Variants in PLXNC1 observed in about 807,000 individuals in gnomAD.
PLXNC1 encodes plexin C1.
In PLXNC1, 75 loss-of-function variants were observed where a neutral mutation model predicts 178.2. The ratio of observed to expected loss-of-function variants is 0.42; its 90% CI spans 0.35 to 0.51. PLXNC1 has a LOEUF of 0.51. Ranked by LOEUF, PLXNC1 falls within the 20% of genes least tolerant of loss-of-function variation. PLXNC1 has a pLI of 0.02. For missense variants in PLXNC1, 1,503 were observed against 1,984.4 expected, an observed-to-expected ratio of 0.76 and a Z score of 4.61; for synonymous variants, 790 against 779.9, an observed-to-expected ratio of 1.01 and a Z score of -0.22.
intron 9 of PLXNC1, among the ~76,000 whole-genome samples, chr12:94,236,233 A>G (rs1272677485): frequency 1.3e-5 from 2 of 152,238 alleles, no homozygotes; most frequent in African/African-American, 4.8e-5. Flanking sequence ...ATGTTACATC[A>G]TTGCTGTGAT....
intron 5 of PLXNC1, 29 bp from the exon 6 acceptor site, chr12:94,219,987 C>T (rs755721147): frequency 2.2e-5 from 35 of 1,596,598 alleles, no homozygotes; most frequent in Non-Finnish European, 2.6e-5. Context: ...CAAAAATCAT[C>T]ATTTTTTCCC....
rs376882112 is a variant in PLXNC1, at chr12:94,260,795, A to G, written c.3405A>G (p.Lys1135=). The G allele has an allele frequency of 4.3e-6, 7 of 1,613,730 alleles. No individual in the cohort carries two copies. The highest frequency in any genetic ancestry group is 5.1e-6 in the Non-Finnish European group (6 of 1,179,926). ...GACGCACGGAGTCCGTCGTCGAAAA[A>G]CTCCTCACAAACTGGATGTCCGTCT... ...MLRRTESVVE[K]LLTNWMSVCL... is the part of the protein sequence containing the mutation. The change falls in exon 20 of 31, where the codon AAA becomes AAG. Residue 1135 remains lysine (K), a synonymous_variant. Coordinates refer to ENST00000258526, the MANE Select transcript of PLXNC1 (RefSeq NM_005761.3). The surrounding 1 kb of genome is among the most constrained non-coding windows in gnomAD (Gnocchi z 4.4).
rs1182424988 is a variant in PLXNC1, at chr12:94,307,568, A to G, written c.*2283A>G. 2 of 152,122 alleles carry G rather than the reference A, an allele frequency of 1.3e-5. No individual in the cohort carries two copies. Among genetic ancestry groups the G allele is most frequent in the Non-Finnish European group, 2.9e-5 (2 of 67,988 alleles). The allele number at this position is 152,122 out of a possible 1,614,324, so 9.4% of individuals were successfully genotyped here. On this transcript the variant is annotated 3_prime_UTR_variant, in exon 31 of 31. Transcript: ENST00000258526. ...AAAAAAATTCTGTTACCTTTTCTGT[A>G]TTAGGATTTAAAGTCTATTTCTTAT... is the stretch of plus-strand genomic sequence containing the variant.
intron 9 of PLXNC1, among the ~76,000 whole-genome samples, chr12:94,232,257 T>C (rs1964122968): frequency 6.6e-6 from 1 of 152,114 alleles, no homozygotes; most frequent in Admixed American, 6.5e-5. Flanking sequence ...CAGCTAATTT[T>C]TTCCAATTTT....
intron 5 of PLXNC1, among the ~76,000 whole-genome samples, chr12:94,213,953 A>C (rs1365963625): frequency 6.8e-6 from 1 of 147,820 alleles, no homozygotes; most frequent in African/African-American, 2.5e-5. Flanking sequence ...TGCAACCTCC[A>C]CCTCCCAGGT....
Position 94,173,370 on chromosome 12 carries a change from C to T in PLXNC1, c.1203+4077C>T, listed in dbSNP as rs373108338. On this transcript the variant is annotated intron_variant, in intron 2 of 30. Coordinates refer to ENST00000258526, the MANE Select transcript of PLXNC1 (RefSeq NM_005761.3). ...TTCCAGGTGGTAAAGTAAGTAATAA[C>T]AGAATATGCATGAAATTTGAAATTT... Among the ~76,000 whole-genome samples the T allele has an allele frequency of 1.6e-4, 24 of 152,292 alleles. No individual in the cohort carries two copies. In the South Asian group the frequency reaches 3.9e-3, roughly 25 times the overall value.
chr12:94,266,410 C>T (rs187631655), intron 21 of PLXNC1, among the ~76,000 whole-genome samples: 3 of 152,278 alleles, frequency 2.0e-5, no homozygotes, highest in East Asian at 3.9e-4. Flanking sequence ...TCTGAGAGGC[C>T]GGAGAGTGGG....
intron 3 of PLXNC1, among the ~76,000 whole-genome samples, chr12:94,185,053 G>A (rs900862608): frequency 6.6e-6 from 1 of 152,146 alleles, no homozygotes; most frequent in African/African-American, 2.4e-5. Flanking sequence ...CCATGAAGTC[G>A]TGATCCATTT....
chr12:94,223,002 C>T (rs542513650), intron 6 of PLXNC1, among the ~76,000 whole-genome samples: 6 of 152,162 alleles, frequency 3.9e-5, no homozygotes, highest in Non-Finnish European at 8.8e-5. Flanking sequence ...TGGAGAAGGA[C>T]CTTAAAGTAA....
Position 94,275,712 on chromosome 12 carries a change from G to A in PLXNC1, c.3598-3760G>A, listed in dbSNP as rs1273844708. ...ACTAAAAAAATACAAAAAATTAGCC[G>A]GGCGTAGTGGCGGGCGCCTGTAGTC... On this transcript the variant is annotated intron_variant, in intron 21 of 30. Transcript: ENST00000258526. 3.1e-5 allele frequency among the ~76,000 whole-genome samples: 4 copies of A among 130,300 alleles called. 1 individual carries two copies. In the East Asian group the frequency reaches 6.7e-4, roughly 22 times the overall value. The allele number at this position is 130,300 out of a possible 152,430, so 85.5% of individuals were successfully genotyped here. A position where few individuals can be genotyped will look rare whatever the true frequency, so the allele number is the denominator to read the frequency against.
At chr12:94,245,909 C>T (rs1394700863) in intron 12 of PLXNC1, among the ~76,000 whole-genome samples, 1 of 152,188 alleles carries the variant, frequency 6.6e-6, no homozygotes, top group African/African-American at 2.4e-5. Context: ...GATCTCTGAG[C>T]AGGAAGTGAC....
chr12:94,294,461 A>G (rs1967700800), intron 23 of PLXNC1, 25 bp from the exon 24 acceptor site: 1 of 1,089,178 alleles, frequency 9.2e-7, no homozygotes, highest in Non-Finnish European at 1.4e-6. Flanking sequence ...TTGAACACTC[A>G]TATATCTTTT....
intron 6 of PLXNC1, among the ~76,000 whole-genome samples, chr12:94,222,354 C>T (rs1395942643): frequency 6.6e-6 from 1 of 152,172 alleles, no homozygotes; most frequent in Non-Finnish European, 1.5e-5. Flanking sequence ...GTGACCATTG[C>T]CAAGCCTTTA....
At chr12:94,275,280 C>T (rs545883475) in intron 21 of PLXNC1, among the ~76,000 whole-genome samples, 3 of 152,370 alleles carry the variant, frequency 2.0e-5, no homozygotes. Context: ...CATAACATCT[C>T]TCTGACATCC....
Position 94,227,205 on chromosome 12 carries a change from C to A in PLXNC1, c.1950C>A (p.Asn650Lys). Residue 650 changes from asparagine (N) to lysine (K), a missense_variant, in exon 9 of 31, where the codon AAC becomes AAA. Physicochemically the swap from Asn to Lys is moderately conservative, Grantham distance 94. Transcript: ENST00000258526. ...CAGGAGGAGGAAGACCCAAGGAGAA[C>A]AAGGGGAACAGAACCAACCAGGCTT... Reference protein sequence around the residue: ...KTSGGGRPKENKGNRTNQALQ... With the variant: ...KTSGGGRPKEKKGNRTNQALQ... The A allele has an allele frequency of 6.2e-7, 1 of 1,612,616 alleles. No homozygotes were observed. The highest frequency in any genetic ancestry group is 8.5e-7 in the Non-Finnish European group (1 of 1,178,666).
chr12:94,235,080 A>G (rs1426131586), intron 9 of PLXNC1, among the ~76,000 whole-genome samples: 1 of 152,214 alleles, frequency 6.6e-6, no homozygotes, highest in Admixed American at 6.5e-5. Flanking sequence ...AAGAGGTTCC[A>G]CCAGCAAACA....
rs775910303 is a variant in PLXNC1, at chr12:94,149,815, G to T, written c.844G>T (p.Asp282Tyr). ...GCTGTTCCAGGGCCAGGCATCCCTC[G>T]ACTGCGGCCACGGCCACCCCGACGG... Reference protein sequence around the residue: ...EVLFQGQASLDCGHGHPDGRR... With the variant: ...EVLFQGQASLYCGHGHPDGRR... Residue 282 changes from aspartate (D) to tyrosine (Y), a missense_variant, in exon 1 of 31, where the codon GAC (aspartate) becomes TAC (tyrosine). Asp to Tyr is a radical substitution (Grantham distance 160, BLOSUM62 -3). Coordinates refer to ENST00000258526, the MANE Select transcript of PLXNC1 (RefSeq NM_005761.3). The T allele has an allele frequency of 1.1e-5, 17 of 1,602,460 alleles. No homozygotes were observed. The East Asian group carries it at 3.6e-4, about 34-fold the overall frequency.
In PLXNC1 at chr12:94,254,805, G is replaced by A; in HGVS notation, c.2900G>A (p.Arg967Lys). Reference protein sequence around the residue: ...IVIFAAVGVTRHKSKELSRKQ... With the variant: ...IVIFAAVGVTKHKSKELSRKQ... ...CTCTTAGCGGCCGTGGGGGTGACCA[G>A]GCACAAATCGAAGGAGCTGAGTCGC... Residue 967 changes from arginine (R) to lysine (K), a missense_variant, in exon 16 of 31, where the codon AGG becomes AAG. This residue lies in a region of PLXNC1 where 639 missense variants were observed against 979.7 expected (regional missense o/e 0.65). Coordinates refer to ENST00000258526, the MANE Select transcript of PLXNC1 (RefSeq NM_005761.3). 6.2e-7 allele frequency: 1 copy of A among 1,604,106 alleles called. No homozygotes were observed. Among genetic ancestry groups the A allele is most frequent in the African/African-American group, 1.3e-5 (1 of 74,116 alleles).
At chr12:94,275,891 G>A (rs1965921350) in intron 21 of PLXNC1, among the ~76,000 whole-genome samples, 1 of 147,100 alleles carries the variant, frequency 6.8e-6, no homozygotes, top group Non-Finnish European at 1.5e-5. Context: ...AGAAACTGCT[G>A]TTTGAGCACT....
Sources: gnomAD v4.1 joint callset for allele counts (sites outside exome capture counted in the v4.1 genomes callset) on GRCh38, gnomAD v4.1.1 for gene constraint, gnomAD v4.1.1 regional missense constraint, Gnocchi (gnomAD v3.1) non-coding constraint, MANE v1.5 for transcripts, NCBI Gene and HGNC (gene_info 2026-07-23, HGNC 2026-07-21) for gene names.